ADAMTSL1: variants seen among roughly 807,000 people sequenced by gnomAD.
ADAMTSL1 encodes the protein ADAMTS-like protein 1.
In ADAMTSL1, 126 loss-of-function variants were observed where a neutral mutation model predicts 201.8. The observed-to-expected ratio is 0.62, with a 90% CI of 0.54 to 0.72. ADAMTSL1 has a LOEUF of 0.72. Ranked by LOEUF, ADAMTSL1 falls within the 30% of genes least tolerant of loss-of-function variation. The pLI is 0.00. For missense variants in ADAMTSL1, 2,679 were observed against 2,277.8 expected (o/e 1.18, Z -3.59); for synonymous variants, 1,121 against 903.4 (o/e 1.24, Z -4.32).
chr9:18,563,660 T>A (rs749640066), intron 3 of ADAMTSL1, among the ~76,000 whole-genome samples: 5 of 152,286 alleles, frequency 3.3e-5, no homozygotes, highest in Admixed American at 1.3e-4. Context: ...GGGAGTTTGA[T>A]GTGTAAGCCC....
chr9:18,705,208 T>G (rs1354884951), intron 13 of ADAMTSL1, among the ~76,000 whole-genome samples: 2 of 152,218 alleles, frequency 1.3e-5, no homozygotes, highest in East Asian at 3.8e-4. Context: ...TCTTATCAGT[T>G]CTTTCATTGT....
chr9:18,545,456 A>G (rs1460474725), intron 3 of ADAMTSL1, among the ~76,000 whole-genome samples: 1 of 152,138 alleles, frequency 6.6e-6, no homozygotes, highest in Non-Finnish European at 1.5e-5. Context: ...TTTACAACAT[A>G]TGCTTTTTTT....
In ADAMTSL1 at chr9:18,032,050, C is replaced by G. The variant is rs192979800; in HGVS notation, c.87+125128C>G. On this transcript the variant is annotated intron_variant, in intron 1 of 29. Coordinates refer to the ADAMTSL1 transcript ENST00000680146. Reference sequence around the variant, plus strand: ...TTCTAGTGTCTTCCCTAGGAGCAGGCCCGCCCAGCTAGATTTGTACCAAGC... The same window carrying G: ...TTCTAGTGTCTTCCCTAGGAGCAGGGCCGCCCAGCTAGATTTGTACCAAGC... 1.6e-4 allele frequency among the ~76,000 whole-genome samples: 24 copies of G among 152,296 alleles called. 1 individual carries two copies. Among genetic ancestry groups the G allele is most frequent in the Non-Finnish European group, 2.9e-4 (20 of 68,010 alleles).
chr9:18,195,895 C>T (rs1829154510), intron 2 of ADAMTSL1, among the ~76,000 whole-genome samples: 1 of 152,068 alleles, frequency 6.6e-6, no homozygotes, highest in Non-Finnish European at 1.5e-5. Flanking sequence ...TGATTTCGTC[C>T]ACACATTTTT....
intron 2 of ADAMTSL1, among the ~76,000 whole-genome samples, chr9:18,317,971 C>G (rs188482005): frequency 4.0e-4 from 61 of 152,322 alleles, no homozygotes; most frequent in African/African-American, 1.4e-3. Flanking sequence ...TAGAGCAGAT[C>G]TGGCTCTGCC....
At chr9:18,891,778 A>C (rs962520083) in intron 25 of ADAMTSL1, among the ~76,000 whole-genome samples, 1 of 152,236 alleles carries the variant, frequency 6.6e-6, no homozygotes, top group Non-Finnish European at 1.5e-5. Context: ...ATTACTTTCC[A>C]GGTCAGGAGG....
At chr9:18,900,131 A>G (rs1301759326) in intron 26 of ADAMTSL1, among the ~76,000 whole-genome samples, 4 of 152,222 alleles carry the variant, frequency 2.6e-5, no homozygotes, top group African/African-American at 9.6e-5. Context: ...ACATGAACAG[A>G]CAGTTCTCAA....
chr9:18,493,961 C>A (rs563954821), intron 1 of ADAMTSL1, among the ~76,000 whole-genome samples: 1 of 152,224 alleles, frequency 6.6e-6, no homozygotes, highest in Non-Finnish European at 1.5e-5. Context: ...TCTTAAGAAG[C>A]ACACAGTCCA....
chr9:18,065,224 T>G lies in ADAMTSL1; in HGVS notation c.88-98638T>G, dbSNP rs528141327. ...TCTTACCCAGAGGGACAGATTCACA[T>G]CTCTGTTGGGATGTACATGCAAGGA... is the stretch of plus-strand genomic sequence containing the variant. On this transcript the variant is annotated intron_variant, in intron 1 of 29. Coordinates refer to the ADAMTSL1 transcript ENST00000680146. Among the ~76,000 whole-genome samples the G allele has an allele frequency of 2.0e-5, 3 of 152,240 alleles. No homozygotes were observed. In the East Asian group the frequency reaches 5.8e-4, roughly 29 times the overall value.
At chr9:18,530,927 C>T (rs965209940) in intron 2 of ADAMTSL1, among the ~76,000 whole-genome samples, 3 of 152,102 alleles carry the variant, frequency 2.0e-5, no homozygotes, top group Admixed American at 6.6e-5. Flanking sequence ...AAAAGCATAC[C>T]ACATTTTGCA....
At chr9:18,525,357 G>A (rs1362736581) in intron 2 of ADAMTSL1, among the ~76,000 whole-genome samples, 1 of 151,916 alleles carries the variant, frequency 6.6e-6, no homozygotes, top group African/African-American at 2.4e-5. Flanking sequence ...TCTTGCTAGT[G>A]GTCTATCAAT....
chr9:18,551,858 A>G (rs1820817948), intron 3 of ADAMTSL1, among the ~76,000 whole-genome samples: 1 of 151,754 alleles, frequency 6.6e-6, no homozygotes, highest in Admixed American at 6.6e-5. Context: ...TCACTTGTCT[A>G]AGACTGTTTT....
intron 16 of ADAMTSL1, among the ~76,000 whole-genome samples, chr9:18,758,388 A>G (rs1018186397): frequency 4.6e-5 from 7 of 152,202 alleles, no homozygotes; most frequent in Admixed American, 3.9e-4. Flanking sequence ...AAATTACCAC[A>G]AACTTGGTGG....
At chr9:18,696,088 G>A (rs1831530190) in intron 13 of ADAMTSL1, among the ~76,000 whole-genome samples, 1 of 152,090 alleles carries the variant, frequency 6.6e-6, no homozygotes, top group South Asian at 2.1e-4. Flanking sequence ...AACAGCAAGG[G>A]GAAAATCCAC....
intron 16 of ADAMTSL1, among the ~76,000 whole-genome samples, chr9:18,760,262 C>T (rs1819998677): frequency 6.6e-6 from 1 of 152,116 alleles, no homozygotes; most frequent in Admixed American, 6.5e-5. Context: ...TCTCCCCCAC[C>T]ACTCTCTTCC....
In ADAMTSL1 at chr9:18,129,237, C is replaced by T. The variant is rs543545235; in HGVS notation, c.88-34625C>T. The stretch of plus-strand genomic sequence containing the variant: ...TGTTAAACTGAGAAATCCTAAAAGT[C>T]TCTTTTGAATGCTAATATGCTTCCT... On this transcript the variant is annotated intron_variant, in intron 1 of 29. Coordinates refer to the ADAMTSL1 transcript ENST00000680146. Among the ~76,000 whole-genome samples the T allele has an allele frequency of 2.0e-5, 3 of 152,290 alleles. No homozygotes were observed. The East Asian group carries it at 5.8e-4, about 29-fold the overall frequency.
intron 1 of ADAMTSL1, among the ~76,000 whole-genome samples, chr9:17,937,901 C>A (rs992787551): frequency 3.3e-5 from 5 of 152,052 alleles, no homozygotes; most frequent in East Asian, 1.9e-4. Context: ...ACATGGTACA[C>A]CTGCTTGCTC....
At chr9:18,361,548 A>G (rs1451650929) in intron 2 of ADAMTSL1, among the ~76,000 whole-genome samples, 1 of 152,212 alleles carries the variant, frequency 6.6e-6, no homozygotes, top group East Asian at 1.9e-4. Flanking sequence ...TGTGCCTTAA[A>G]GCAAACAATA....
chr9:18,324,208 G>A (rs1193031582), intron 2 of ADAMTSL1, among the ~76,000 whole-genome samples: 1 of 152,124 alleles, frequency 6.6e-6, no homozygotes, highest in Non-Finnish European at 1.5e-5. Flanking sequence ...ATGCAATGGG[G>A]AAAAGAAAGT....
Sources: gnomAD v4.1 joint callset for allele counts (sites outside exome capture counted in the v4.1 genomes callset) on GRCh38, gnomAD v4.1.1 for gene constraint, MANE v1.5 for transcripts, NCBI Gene and HGNC (gene_info 2026-07-23, HGNC 2026-07-21) for gene names.